The following PSD3 variants were observed in gnomAD, a reference collection of about 807,000 sequenced individuals.
The protein encoded by PSD3 is pleckstrin and Sec7 domain containing 3.
In PSD3, 49 loss-of-function variants were observed where a neutral mutation model predicts 105.5. That is an observed-to-expected ratio of 0.46 (90% CI 0.37 to 0.59). The LOEUF (loss-of-function observed/expected upper bound fraction) is 0.59. Ranked by LOEUF, PSD3 falls within the 20% of genes least tolerant of loss-of-function variation. PSD3 has a pLI of 0.00. For synonymous variants in PSD3, 557 were observed against 457.8 expected (o/e 1.22, Z -2.77); for missense variants, 1,561 against 1,263.8 (o/e 1.24, Z -3.57).
At chr8:18,739,648 C>CA (rs1239382457) in intron 9 of PSD3, among the ~76,000 whole-genome samples, 1 of 151,940 alleles carries the variant, frequency 6.6e-6, no homozygotes, top group African/African-American at 2.4e-5. Flanking sequence ...TTTATAGTAG[C>CA]AAAAAAATAA....
chr8:18,875,414 A>G (rs1387573395), intron 2 of PSD3, among the ~76,000 whole-genome samples: 2 of 152,188 alleles, frequency 1.3e-5, no homozygotes, highest in Non-Finnish European at 2.9e-5. Context: ...CTAGGGTGGA[A>G]TATTGATATT....
At chr8:18,652,124 G>A (rs995070800) in intron 10 of PSD3, among the ~76,000 whole-genome samples, 3 of 152,134 alleles carry the variant, frequency 2.0e-5, no homozygotes, top group Admixed American at 1.3e-4. Context: ...AAACGCTGGT[G>A]TCATTAATAG....
At chr8:18,607,121 G>C (rs1454539120) in intron 11 of PSD3, among the ~76,000 whole-genome samples, 6 of 152,182 alleles carry the variant, frequency 3.9e-5, no homozygotes. Flanking sequence ...AAGGCAGGAA[G>C]AGAGATGATG....
intron 1 of PSD3, among the ~76,000 whole-genome samples, chr8:18,956,386 G>C (rs79087802): frequency 0.051 from 7,727 of 152,180 alleles, 649 homozygotes; most frequent in African/African-American, 0.18. Flanking sequence ...AAGATCCCAG[G>C]TGATGGTGAT....
At chr8:18,665,102 GA>G (rs1799374951) in intron 9 of PSD3, among the ~76,000 whole-genome samples, 2 of 152,206 alleles carry the variant, frequency 1.3e-5, no homozygotes, top group Non-Finnish European at 2.9e-5. Flanking sequence ...CATGGATCAA[GA>G]AGTGATTTCT....
intron 2 of PSD3, among the ~76,000 whole-genome samples, chr8:18,896,531 A>G (rs1241859960): frequency 6.6e-6 from 1 of 152,064 alleles, no homozygotes; most frequent in Non-Finnish European, 1.5e-5. Context: ...CTCCCACCTC[A>G]GCCTCCCAAG....
chr8:18,648,201 G>A (rs1341498251), intron 10 of PSD3, among the ~76,000 whole-genome samples: 3 of 152,192 alleles, frequency 2.0e-5, no homozygotes, highest in African/African-American at 7.2e-5. Context: ...GAGTGTGGAT[G>A]GCTCAGAAGA....
At chr8:18,687,139 T>C (rs867064504) in intron 9 of PSD3, among the ~76,000 whole-genome samples, 5 of 152,212 alleles carry the variant, frequency 3.3e-5, no homozygotes, top group African/African-American at 1.2e-4. Flanking sequence ...TTCCCTTCTC[T>C]ATCGGCTCTC....
chr8:18,576,837 A>G (rs1424783835), intron 12 of PSD3, among the ~76,000 whole-genome samples: 1 of 151,890 alleles, frequency 6.6e-6, no homozygotes, highest in African/African-American at 2.4e-5. Flanking sequence ...TGATCCCCTA[A>G]CACACCTAAT....
chr8:18,808,551 A>G (rs1189381862), intron 4 of PSD3, among the ~76,000 whole-genome samples: 1 of 152,174 alleles, frequency 6.6e-6, no homozygotes, highest in Non-Finnish European at 1.5e-5. Flanking sequence ...AAACCATATA[A>G]TTGCAAAATC....
At chr8:18,552,224 T>G (rs778988878) in intron 15 of PSD3, among the ~76,000 whole-genome samples, 1 of 152,184 alleles carries the variant, frequency 6.6e-6, no homozygotes, top group Non-Finnish European at 1.5e-5. Flanking sequence ...TGTAGCCCAG[T>G]CATGGATTTA....
At chr8:18,764,613 C>G (rs2129443571) in intron 9 of PSD3, among the ~76,000 whole-genome samples, 1 of 152,282 alleles carries the variant, frequency 6.6e-6, no homozygotes, top group South Asian at 2.1e-4. Context: ...TAAAACACAA[C>G]AAAGGACTTC....
intron 1 of PSD3, among the ~76,000 whole-genome samples, chr8:18,994,293 T>C (rs1018678720): frequency 5.9e-5 from 9 of 152,256 alleles, no homozygotes; most frequent in Admixed American, 2.6e-4. Flanking sequence ...TTGTATTCTC[T>C]GCATATTTAT....
intron 2 of PSD3, among the ~76,000 whole-genome samples, chr8:18,909,948 A>G (rs1031598067): frequency 1.3e-5 from 2 of 152,204 alleles, no homozygotes; most frequent in African/African-American, 2.4e-5. Flanking sequence ...TGGAAGTTAC[A>G]GCGAAAGGAA....
intron 1 of PSD3, among the ~76,000 whole-genome samples, chr8:18,982,543 T>C (rs1825295575): frequency 6.6e-6 from 1 of 152,218 alleles, no homozygotes. Context: ...ATTTCTTAAA[T>C]AATAAGACTC....
chr8:18,630,632 T>A (rs1806826705), intron 11 of PSD3, among the ~76,000 whole-genome samples: 1 of 151,984 alleles, frequency 6.6e-6, no homozygotes, highest in Non-Finnish European at 1.5e-5. Context: ...ATACTTCCCC[T>A]TTTTGACTTT....
chr8:18,979,009 G>A lies in PSD3; in HGVS notation c.21+34554C>T, dbSNP rs565854393. On this transcript the variant is annotated intron_variant, in intron 1 of 15. Transcript: ENST00000327040. The stretch of plus-strand genomic sequence containing the variant: ...GATGCCTGTGTTCCTTCTGGAGTTC[G>A]CTATATGACCTCACTATAATCCCTT... 4.5e-4 allele frequency among the ~76,000 whole-genome samples: 69 copies of A among 152,176 alleles called. No homozygotes were observed. In the South Asian group the frequency reaches 0.012, roughly 27 times the overall value.
At chr8:18,987,980 A>G (rs1825593545) in intron 1 of PSD3, among the ~76,000 whole-genome samples, 1 of 152,184 alleles carries the variant, frequency 6.6e-6, no homozygotes, top group East Asian at 1.9e-4. Flanking sequence ...GCCAAGCACC[A>G]TGCTAGCAAT....
intron 1 of PSD3, among the ~76,000 whole-genome samples, chr8:18,988,101 A>G (rs999280838): frequency 8.1e-6 from 1 of 122,864 alleles, no homozygotes; most frequent in East Asian, 2.2e-4. Context: ...TAGAAAAAAT[A>G]AATAAATAAA....
Sources: gnomAD v4.1 joint callset for allele counts (sites outside exome capture counted in the v4.1 genomes callset) on GRCh38, gnomAD v4.1.1 for gene constraint, MANE v1.5 for transcripts, NCBI Gene and HGNC (gene_info 2026-07-23, HGNC 2026-07-21) for gene names.